MYO3A: variants seen among roughly 807,000 people sequenced by gnomAD.
The protein encoded by MYO3A is myosin-IIIa.
A neutral mutation model predicts 192.7 loss-of-function variants in MYO3A; 180 were observed. The observed-to-expected ratio is 0.93, with a 90% confidence interval of 0.83 to 1.06. The LOEUF (loss-of-function observed/expected upper bound fraction) is 1.06. Among genes scored for constraint, MYO3A ranks in the 50% least tolerant of loss-of-function variants. The probability of loss-of-function intolerance (pLI) is 0.00; values close to 1 mark genes in which losing one functional copy is unlikely to be tolerated. For missense variants in MYO3A, 1,896 were observed against 1,905.0 expected (o/e 1.00, Z 0.09); for synonymous variants, 628 against 645.3 (o/e 0.97, Z 0.41).
intron 32 of MYO3A, among the ~76,000 whole-genome samples, chr10:26,198,553 G>C (rs1328075476): frequency 6.6e-6 from 1 of 152,170 alleles, no homozygotes; most frequent in South Asian, 2.1e-4. Context: ...TCAACGTTTA[G>C]CTCCTTCATC....
Position 26,066,874 on chromosome 10 carries a change from A to G in MYO3A, c.954-101A>G, listed in dbSNP as rs372331515. ...CTGGTATCTTATCATTGAATTTAAT[A>G]AACAGATTCCTAGAGGATTTTCAGT... On this transcript the variant is annotated intron_variant, in intron 10 of 34. Coordinates refer to ENST00000642920, the MANE Select transcript of MYO3A (RefSeq NM_017433.5). The G allele has an allele frequency of 6.5e-6, 5 of 764,294 alleles. No homozygotes were observed. In the East Asian group the frequency reaches 1.3e-4, roughly 20 times the overall value. The allele number at this position is 764,294 out of a possible 1,614,324, so 47.3% of individuals were successfully genotyped here.
At chr10:26,159,897 G>T (rs1460244720) in intron 26 of MYO3A, among the ~76,000 whole-genome samples, 1 of 151,780 alleles carries the variant, frequency 6.6e-6, no homozygotes, top group African/African-American at 2.4e-5. Flanking sequence ...CTACAGATCA[G>T]ACACAATTTT....
chr10:25,956,736 T>C (rs1184088176), intron 4 of MYO3A, among the ~76,000 whole-genome samples: 1 of 152,100 alleles, frequency 6.6e-6, no homozygotes, highest in Non-Finnish European at 1.5e-5. Context: ...GTTTTTTTCT[T>C]TTTTTCCTTT....
At chr10:26,182,157 A>T (rs770195744) in intron 31 of MYO3A, among the ~76,000 whole-genome samples, 1 of 152,222 alleles carries the variant, frequency 6.6e-6, no homozygotes, top group Non-Finnish European at 1.5e-5. Flanking sequence ...TGAGAACAAG[A>T]TGGTCATCTC....
At position 26,060,023 on chromosome 10, in the gene MYO3A, C is replaced by T. The variant is rs540477855; in HGVS notation, c.954-6952C>T. Among the ~76,000 whole-genome samples, 5 of 152,230 alleles carry T rather than the reference C, an allele frequency of 3.3e-5. No homozygotes were observed. The South Asian group carries it at 1.0e-3, about 32-fold the overall frequency. ...CCGTAATCCCAGCACTTTGGGAGGC[C>T]AAGGCGGGCGGATCACCTGAAGTCA... is the stretch of plus-strand genomic sequence containing the variant. On this transcript the variant is annotated intron_variant, in intron 10 of 34. Coordinates refer to ENST00000642920, the MANE Select transcript of MYO3A (RefSeq NM_017433.5).
At chr10:26,062,467 A>C (rs1331620539) in intron 10 of MYO3A, among the ~76,000 whole-genome samples, 1 of 137,896 alleles carries the variant, frequency 7.3e-6, no homozygotes, top group Non-Finnish European at 1.6e-5. Flanking sequence ...CAGTGAGCCG[A>C]GATCACACCA....
chr10:26,046,707 A>C (rs1843655077), intron 10 of MYO3A, among the ~76,000 whole-genome samples: 1 of 152,236 alleles, frequency 6.6e-6, no homozygotes. Flanking sequence ...ATCCTGATTT[A>C]GCCTGAAAAA....
At chr10:25,950,350 A>G (rs530651625) in intron 2 of MYO3A, among the ~76,000 whole-genome samples, 63 of 152,266 alleles carry the variant, frequency 4.1e-4, no homozygotes, top group African/African-American at 1.5e-3. Context: ...AAAATTTGGT[A>G]GGAGAAGGTA....
chr10:26,143,358 T>C lies in MYO3A; in HGVS notation c.2263-90T>C. On this transcript the variant is annotated intron_variant, in intron 20 of 34. Coordinates refer to ENST00000642920, the MANE Select transcript of MYO3A (RefSeq NM_017433.5). ...AAAAAGCAAGGTCAAAGGGAGCAAT[T>C]TATTTTAATATATGCAAAGTAAAAT... 5 of 1,346,870 alleles carry C rather than the reference T, an allele frequency of 3.7e-6. 1 individual carries two copies. In the South Asian group the frequency reaches 6.3e-5, roughly 17 times the overall value. The allele number at this position is 1,346,870 out of a possible 1,614,324, so 83.4% of individuals were successfully genotyped here. A position where few individuals can be genotyped will look rare whatever the true frequency, so the allele number is the denominator to read the frequency against.
At chr10:26,094,420 CTT>C (rs965507109) in intron 15 of MYO3A, among the ~76,000 whole-genome samples, 36 of 101,300 alleles carry the variant, frequency 3.6e-4, no homozygotes, top group African/African-American at 1.3e-3. Flanking sequence ...TGAATAATTT[CTT>C]TTTTTTTTTT....
intron 6 of MYO3A, among the ~76,000 whole-genome samples, chr10:26,002,483 G>T (rs1208489551): frequency 1.3e-5 from 2 of 152,154 alleles, no homozygotes; most frequent in Non-Finnish European, 2.9e-5. Flanking sequence ...GGGTTAGACC[G>T]CACAGGCTAA....
rs138406125 is a variant in MYO3A at position 26,179,546 on chromosome 10, C to T, written c.4438+2701C>T. ...CAGTCTATTGTAAAATTGGTCATTT[C>T]GCTTAAAGTTGCAGTTTCTAAGAAC... On this transcript the variant is annotated intron_variant, in intron 31 of 34. Coordinates refer to ENST00000642920, the MANE Select transcript of MYO3A (RefSeq NM_017433.5). 7.4e-4 allele frequency among the ~76,000 whole-genome samples: 112 copies of T among 152,250 alleles called. 2 individuals are homozygous for T. The East Asian group carries it at 0.018, about 25-fold the overall frequency.
At chr10:26,180,644 T>C (rs992972656) in intron 31 of MYO3A, among the ~76,000 whole-genome samples, 2 of 151,774 alleles carry the variant, frequency 1.3e-5, no homozygotes, top group African/African-American at 2.4e-5. Context: ...TAAGGATGTA[T>C]AGTTATATAG....
chr10:26,144,537 C>G (rs898698949), intron 21 of MYO3A, among the ~76,000 whole-genome samples: 7 of 151,872 alleles, frequency 4.6e-5, no homozygotes, highest in African/African-American at 1.7e-4. Context: ...AATGATCCTT[C>G]TAGAATAAGT....
intron 10 of MYO3A, among the ~76,000 whole-genome samples, chr10:26,036,241 CT>C (rs199869946): frequency 0.012 from 1,797 of 152,020 alleles, 44 homozygotes; most frequent in African/African-American, 0.041. Context: ...GCCCAGCCCC[CT>C]AAGACTATTT....
rs1200950500 is a variant in MYO3A at position 26,068,769 on chromosome 10, A to G, written c.1055A>G (p.Asn352Ser). ...AGAAATTATTTTATTTTATTGCAGA[A>G]TACAGTCTCAGAGCAACTTGAGAAG... ...DLATLEILDE[N>S]TVSEQLEKCY... Residue 352 changes from asparagine to serine, a missense_variant and splice_region_variant, in exon 12 of 35, where the codon AAT becomes AGT. Physicochemically the swap from Asn to Ser is conservative, Grantham distance 46. Coordinates refer to ENST00000642920, the MANE Select transcript of MYO3A (RefSeq NM_017433.5). The G allele has an allele frequency of 6.5e-7, 1 of 1,542,108 alleles. No homozygotes were observed. The highest frequency in any genetic ancestry group is 1.1e-5 in the South Asian group (1 of 89,702).
At chr10:26,084,450 C>T (rs150471592) in intron 14 of MYO3A, among the ~76,000 whole-genome samples, 70 of 152,240 alleles carry the variant, frequency 4.6e-4, no homozygotes, top group African/African-American at 1.6e-3. Flanking sequence ...GTAATGCTGG[C>T]TTCATAAATG....
At chr10:26,021,109 C>A (rs1350342781) in intron 7 of MYO3A, among the ~76,000 whole-genome samples, 1 of 152,118 alleles carries the variant, frequency 6.6e-6, no homozygotes, top group East Asian at 1.9e-4. Flanking sequence ...ACTTTTAATT[C>A]TTCAAAAACA....
At chr10:26,156,073 G>T (rs1841091024) in intron 25 of MYO3A, among the ~76,000 whole-genome samples, 1 of 152,174 alleles carries the variant, frequency 6.6e-6, no homozygotes, top group Admixed American at 6.5e-5. Context: ...TTGCAGGAAG[G>T]TCCTGCTTAG....
Sources: gnomAD v4.1 joint callset for allele counts (sites outside exome capture counted in the v4.1 genomes callset) on GRCh38, gnomAD v4.1.1 for gene constraint, MANE v1.5 for transcripts, NCBI Gene and HGNC (gene_info 2026-07-23, HGNC 2026-07-21) for gene names.